The following PCDHGA8 variants were observed in gnomAD, a reference collection of about 807,000 sequenced individuals.
PCDHGA8 encodes the protein protocadherin gamma subfamily A, 8.
A neutral mutation model predicts 59.2 loss-of-function variants in PCDHGA8; 45 were observed. That is an observed-to-expected ratio of 0.76 (90% confidence interval 0.60 to 0.98). The LOEUF (loss-of-function observed/expected upper bound fraction) is 0.98. Ranked by LOEUF, PCDHGA8 falls within the 50% of genes least tolerant of loss-of-function variation. PCDHGA8 has a pLI of 0.00. For synonymous variants in PCDHGA8, 531 were observed against 519.0 expected (o/e 1.02, Z -0.32); for missense variants, 1,257 against 1,196.2 (o/e 1.05, Z -0.75).
rs777111805 is a variant in PCDHGA8, at chr5:141,395,298, GT to G, written c.2424+65del. On this transcript the variant is annotated intron_variant, in intron 1 of 3. Coordinates refer to ENST00000398604, the MANE Select transcript of PCDHGA8 (RefSeq NM_032088.2). ...ATGAATTTTATTTGGCATAAATTAT[GT>G]TTTGAAAAACATTGTGAAGATAGTT... 6 of 1,522,174 alleles carry G rather than the reference GT, an allele frequency of 3.9e-6. No homozygotes were observed. The East Asian group carries it at 9.1e-5, about 23-fold the overall frequency. The allele number at this position is 1,522,174 out of a possible 1,614,324, so 94.3% of individuals were successfully genotyped here.
intron 1 of PCDHGA8, chr5:141,414,517 G>A: frequency 6.2e-7 from 1 of 1,613,964 alleles, no homozygotes; most frequent in Non-Finnish European, 8.5e-7. Context: ...ACAAGTGGCA[G>A]ATATCAATGA....
At chr5:141,396,502 C>T (rs982229069) in intron 1 of PCDHGA8, 2 of 152,106 alleles carry the variant, frequency 1.3e-5, no homozygotes, top group African/African-American at 4.8e-5. Flanking sequence ...CGCCTGTGGT[C>T]CCAGCTACTC....
At chr5:141,509,574 G>A (rs554778751) in intron 3 of PCDHGA8, among the ~76,000 whole-genome samples, 7 of 152,182 alleles carry the variant, frequency 4.6e-5, no homozygotes, top group Non-Finnish European at 5.9e-5. Flanking sequence ...TTCACAGTGC[G>A]TACAAATCAG....
intron 1 of PCDHGA8, among the ~76,000 whole-genome samples, chr5:141,464,263 T>TA (rs35224477): frequency 7.1e-4 from 74 of 103,538 alleles, no homozygotes; most frequent in East Asian, 1.9e-3. Flanking sequence ...AGACTCCGTC[T>TA]AAAAAAAAAA....
intron 1 of PCDHGA8, chr5:141,422,899 G>A: frequency 2.5e-6 from 4 of 1,614,234 alleles, no homozygotes; most frequent in Non-Finnish European, 3.4e-6. Flanking sequence ...GGACCAGAAC[G>A]ACAATGCGCC....
chr5:141,394,085 C>T lies in PCDHGA8; in HGVS notation c.1272C>T (p.Ala424=). The change falls in exon 1 of 4, where the codon GCC becomes GCT. Residue 424 remains alanine, a synonymous_variant. Transcript: ENST00000398604. ...CTATCTACAATATCACAGTGATGGC[C>T]TCAGATCTAGGAACACCACCTCTGT... ...NVSIYNITVM[A]SDLGTPPLST... is the part of the protein sequence containing the mutation. 1.9e-6 allele frequency: 3 copies of T among 1,613,886 alleles called. No homozygotes were observed. Among genetic ancestry groups the T allele is most frequent in the Non-Finnish European group, 2.5e-6 (3 of 1,179,840 alleles).
At chr5:141,502,118 G>A (rs897244225) in intron 2 of PCDHGA8, among the ~76,000 whole-genome samples, 3 of 152,108 alleles carry the variant, frequency 2.0e-5, no homozygotes, top group African/African-American at 7.2e-5. Context: ...CCTCAGCCAG[G>A]CCCACAGAGC....
At chr5:141,447,950 G>T (rs1195519095) in intron 1 of PCDHGA8, among the ~76,000 whole-genome samples, 1 of 152,052 alleles carries the variant, frequency 6.6e-6, no homozygotes, top group Non-Finnish European at 1.5e-5. Flanking sequence ...GCTGGGCATG[G>T]TGGCGGACAC....
rs1486010375 is a variant in PCDHGA8 at position 141,393,007 on chromosome 5, G to A, written c.194G>A (p.Arg65His). The A allele has an allele frequency of 1.9e-6, 3 of 1,613,850 alleles. No homozygotes were observed. Among genetic ancestry groups the A allele is most frequent in the East Asian group, 2.2e-5 (1 of 44,874 alleles). The part of the protein sequence containing the change: ...DPRKLAKHGV[R>H]IVSRGRTQLF... ...CGGAAGCTGGCGAAGCACGGAGTCC[G>A]TATCGTCTCCAGAGGTAGGACGCAG... Residue 65 changes from arginine to histidine, a missense_variant, in exon 1 of 4, where the codon CGT becomes CAT. Physicochemically the swap from Arg to His is conservative, Grantham distance 29 (BLOSUM62 0). Coordinates refer to ENST00000398604, the MANE Select transcript of PCDHGA8 (RefSeq NM_032088.2).
At chr5:141,506,699 C>T (rs758682427) in intron 3 of PCDHGA8, among the ~76,000 whole-genome samples, 2 of 152,094 alleles carry the variant, frequency 1.3e-5, no homozygotes, top group Non-Finnish European at 2.9e-5. Flanking sequence ...GACCCAAACC[C>T]GTTTTTTACT....
chr5:141,487,811 A>C lies in PCDHGA8; in HGVS notation c.2425-6996A>C, dbSNP rs1389081995. 2 of 1,414,662 alleles carry C rather than the reference A, an allele frequency of 1.4e-6. No homozygotes were observed. The highest frequency in any genetic ancestry group is 1.9e-6 in the Non-Finnish European group (2 of 1,041,698). The allele number at this position is 1,414,662 out of a possible 1,614,324, so 87.6% of individuals were successfully genotyped here. On this transcript the variant is annotated intron_variant, in intron 1 of 3. Coordinates refer to ENST00000398604, the MANE Select transcript of PCDHGA8 (RefSeq NM_032088.2). This position sits in a 1 kb window ranked among gnomAD's most constrained non-coding sequence, Gnocchi z 5.0. ...TTAACCAGAGTTGTCACAGTTTAGC[A>C]TTGGGGGCGGGTCATGCCTATATCT...
intron 1 of PCDHGA8, chr5:141,410,112 C>T (rs775292594): frequency 1.9e-6 from 3 of 1,612,566 alleles, no homozygotes; most frequent in East Asian, 4.5e-5. Context: ...GACAGGGACG[C>T]AGCCCGCCAG....
intron 1 of PCDHGA8, among the ~76,000 whole-genome samples, chr5:141,433,534 C>T (rs2097618995): frequency 6.6e-6 from 1 of 152,088 alleles, no homozygotes; most frequent in Admixed American, 6.5e-5. Context: ...GTGCCCCGCC[C>T]TTATCAGATA....
In PCDHGA8 at chr5:141,512,848, G is replaced by C. The variant is rs1362051688; in HGVS notation, c.*1675G>C. The C allele has an allele frequency of 6.6e-6, 1 of 152,216 alleles. No individual in the cohort carries two copies. 9.4% of individuals were successfully genotyped at this position (152,216 alleles called of 1,614,324 possible). ...CCCCGTACTGACTTCTCCTATAAGC[G>C]CTTCTCTTCGCATAGTCACGTAGCT... On this transcript the variant is annotated 3_prime_UTR_variant, in exon 4 of 4. Transcript: ENST00000398604.
intron 1 of PCDHGA8, chr5:141,421,835 G>T: frequency 6.2e-7 from 1 of 1,613,746 alleles, no homozygotes. Flanking sequence ...AGCCTGGACC[G>T]AGAGAAAGAG....
chr5:141,411,924 C>G lies in PCDHGA8; in HGVS notation c.2424+16687C>G, dbSNP rs116336964. ...TTGCCTTTGCACTCAGTCTCTGTCTCTGATTCTCTGATAGAAGATTTTTGA... is the reference window on the plus strand; with the variant it reads ...TTGCCTTTGCACTCAGTCTCTGTCTGTGATTCTCTGATAGAAGATTTTTGA... On this transcript the variant is annotated intron_variant, in intron 1 of 3. Coordinates refer to ENST00000398604, the MANE Select transcript of PCDHGA8 (RefSeq NM_032088.2). The G allele has an allele frequency of 5.8e-4, 88 of 152,306 alleles. 1 individual carries two copies. Among genetic ancestry groups the G allele is most frequent in the African/African-American group, 2.0e-3 (83 of 41,556 alleles). 9.4% of individuals were successfully genotyped at this position (152,306 alleles called of 1,614,324 possible). A position where few individuals can be genotyped will look rare whatever the true frequency, so the allele number is the denominator to read the frequency against.
Position 141,431,804 on chromosome 5 carries a change from C to G in PCDHGA8, c.2424+36567C>G. On this transcript the variant is annotated intron_variant, in intron 1 of 3. Transcript: ENST00000398604. This position sits in a 1 kb window ranked among gnomAD's most constrained non-coding sequence, Gnocchi z 4.8. Reference sequence around the variant, plus strand: ...GAACGACAATGCCCCAGAAGTGGTCCTCACCTCTCTCGCCAGCTCGGTTCC... The same window carrying G: ...GAACGACAATGCCCCAGAAGTGGTCGTCACCTCTCTCGCCAGCTCGGTTCC... 6.2e-7 allele frequency: 1 copy of G among 1,614,232 alleles called. No homozygotes were observed. The highest frequency in any genetic ancestry group is 1.3e-5 in the African/African-American group (1 of 75,056).
Position 141,512,738 on chromosome 5 carries a change from C to A in PCDHGA8, c.*1565C>A, listed in dbSNP as rs1350606944. 2 of 152,840 alleles carry A rather than the reference C, an allele frequency of 1.3e-5. No individual in the cohort carries two copies. The highest frequency in any genetic ancestry group is 2.1e-4 in the South Asian group (1 of 4,838). The allele number at this position is 152,840 out of a possible 1,614,324, so 9.5% of individuals were successfully genotyped here. A position where few individuals can be genotyped will look rare whatever the true frequency, so the allele number is the denominator to read the frequency against. On this transcript the variant is annotated 3_prime_UTR_variant, in exon 4 of 4. Transcript: ENST00000398604. ...TGGCGGGTGGGCAGCGGGCGGCGGG[C>A]TCCGCGCAGCCGTCTGTCCTTGATC...
At chr5:141,433,849 A>AC (rs1304649814) in intron 1 of PCDHGA8, among the ~76,000 whole-genome samples, 10 of 152,030 alleles carry the variant, frequency 6.6e-5, no homozygotes, top group Admixed American at 1.3e-4. Flanking sequence ...AAAAAAAAAA[A>AC]AAAAAACTTT....
Sources: allele counts gnomAD v4.1 joint callset (sites outside exome capture counted in the v4.1 genomes callset), GRCh38; gene constraint gnomAD v4.1.1; non-coding constraint Gnocchi (gnomAD v3.1); transcripts MANE v1.5; gene names NCBI Gene and HGNC (gene_info 2026-07-23, HGNC 2026-07-21).